The following PRKAG2 variants were observed in gnomAD, a reference collection of about 807,000 sequenced individuals.
PRKAG2 encodes 5'-AMP-activated protein kinase subunit gamma-2.
A neutral mutation model predicts 69.6 loss-of-function variants in PRKAG2; 26 were observed. The observed-to-expected ratio is 0.37, with a 90% CI of 0.27 to 0.52. The LOEUF is 0.52. Ranked by LOEUF, PRKAG2 falls within the 20% of genes least tolerant of loss-of-function variation. PRKAG2 has a pLI of 0.90. For synonymous variants in PRKAG2, 293 were observed against 285.0 expected, an observed-to-expected ratio of 1.03 and a Z score of -0.28; for missense variants, 557 against 740.0, an observed-to-expected ratio of 0.75 and a Z score of 2.87.
intron 3 of PRKAG2, among the ~76,000 whole-genome samples, chr7:151,677,054 G>A (rs528768581): frequency 5.3e-5 from 8 of 152,306 alleles, no homozygotes; most frequent in South Asian, 2.1e-4. Context: ...TTCAGGACAG[G>A]GCTAAATTTT....
chr7:151,565,979 ATTAAAG>A (rs1299216974), intron 11 of PRKAG2, 94 bp from the exon 12 acceptor site: 13 of 1,434,974 alleles, frequency 9.1e-6, no homozygotes, highest in East Asian at 6.8e-5. Context: ...TGTCCAACAA[ATTAAAG>A]TTAGTTTTTT....
intron 5 of PRKAG2, among the ~76,000 whole-genome samples, chr7:151,599,547 A>AT (rs1254687727): frequency 1.3e-5 from 2 of 152,048 alleles, no homozygotes; most frequent in Non-Finnish European, 2.9e-5. Context: ...GTGGAAGACA[A>AT]TTTTTCCACT....
chr7:151,586,322 A>C (rs954581587), intron 6 of PRKAG2, among the ~76,000 whole-genome samples: 18 of 143,756 alleles, frequency 1.3e-4, no homozygotes, highest in African/African-American at 3.9e-4. Context: ...AGGCAGGTGA[A>C]TCTCCTGTAA....
intron 3 of PRKAG2, among the ~76,000 whole-genome samples, chr7:151,701,614 C>T (rs1053850764): frequency 3.9e-5 from 6 of 152,000 alleles, no homozygotes; most frequent in South Asian, 2.1e-4. Context: ...GAGGCCGAGA[C>T]GGGCAGATCG....
chr7:151,774,508 A>AT (rs1340965787), intron 3 of PRKAG2, among the ~76,000 whole-genome samples: 12 of 152,280 alleles, frequency 7.9e-5, no homozygotes, highest in South Asian at 6.2e-4. Flanking sequence ...CCTTAATAAT[A>AT]TAAAACAGTG....
intron 6 of PRKAG2, among the ~76,000 whole-genome samples, chr7:151,589,928 C>T (rs1812645641): frequency 6.6e-6 from 1 of 151,948 alleles, no homozygotes; most frequent in Admixed American, 6.6e-5. Context: ...GAATGAGACC[C>T]TGTCTTTAAA....
Position 151,632,360 on chromosome 7 carries a change from C to A in PRKAG2, c.685-222G>T. 3.9e-6 allele frequency: 2 copies of A among 515,280 alleles called. No homozygotes were observed. The highest frequency in any genetic ancestry group is 5.0e-6 in the Non-Finnish European group (2 of 402,772). The allele number at this position is 515,280 out of a possible 1,614,324, so 31.9% of individuals were successfully genotyped here. On this transcript the variant is annotated intron_variant, in intron 4 of 15. Transcript: ENST00000287878. This position sits in a 1 kb window ranked among gnomAD's most constrained non-coding sequence, Gnocchi z 4.2. ...CCGCAGGTGGCGCGGCCGCGGCCCG[C>A]GTGCCCCTCCGCGAGTGGGACGCGC...
rs75074902 is a variant in PRKAG2, at chr7:151,807,609, C to T, written c.115-21068G>A. ...GGAGGTAGGAAGAATGATTCGTTTG[C>T]CACCAAAAGCCCAGTTTCTCCAACA... is the stretch of plus-strand genomic sequence containing the variant. On this transcript the variant is annotated intron_variant, in intron 1 of 15. Coordinates refer to ENST00000287878, the MANE Select transcript of PRKAG2 (RefSeq NM_016203.4). This position sits in a 1 kb window ranked among gnomAD's most constrained non-coding sequence, Gnocchi z 4.4. The T allele has an allele frequency of 0.048, 22,076 of 457,750 alleles. 808 individuals carry two copies. Among genetic ancestry groups the T allele is most frequent in the South Asian group, 0.11 (6,855 of 64,566 alleles). 28.4% of individuals were successfully genotyped at this position (457,750 alleles called of 1,614,324 possible). A position where few individuals can be genotyped will look rare whatever the true frequency, so the allele number is the denominator to read the frequency against.
chr7:151,853,201 C>T (rs1231074142), intron 1 of PRKAG2, among the ~76,000 whole-genome samples: 1 of 152,144 alleles, frequency 6.6e-6, no homozygotes, highest in Non-Finnish European at 1.5e-5. Context: ...CGTGAGTGTG[C>T]TGTCCCATAG....
chr7:151,580,403 T>C (rs1810096222), intron 6 of PRKAG2, among the ~76,000 whole-genome samples: 1 of 152,144 alleles, frequency 6.6e-6, no homozygotes, highest in African/African-American at 2.4e-5. Context: ...ATTCTAGACC[T>C]GCACAGAACC....
At chr7:151,685,315 C>A (rs984884525) in intron 3 of PRKAG2, among the ~76,000 whole-genome samples, 1 of 152,192 alleles carries the variant, frequency 6.6e-6, no homozygotes, top group Non-Finnish European at 1.5e-5. Flanking sequence ...CCCACCAACA[C>A]CCCTATCCCA....
chr7:151,571,562 T>G (rs1807581651), intron 9 of PRKAG2, among the ~76,000 whole-genome samples: 1 of 152,186 alleles, frequency 6.6e-6, no homozygotes, highest in African/African-American at 2.4e-5. Flanking sequence ...TTGGCATTAT[T>G]ATTACTACAA....
At chr7:151,673,046 A>G (rs916436465) in intron 4 of PRKAG2, among the ~76,000 whole-genome samples, 2 of 151,960 alleles carry the variant, frequency 1.3e-5, no homozygotes, top group African/African-American at 2.4e-5. Flanking sequence ...TTCCTGTTAC[A>G]CTCGCGGGGA....
intron 5 of PRKAG2, among the ~76,000 whole-genome samples, chr7:151,630,250 C>T (rs1271698935): frequency 6.6e-6 from 1 of 152,128 alleles, no homozygotes; most frequent in East Asian, 1.9e-4. Context: ...GAGTGTATAT[C>T]TGCTTAGAGA....
At chr7:151,691,197 CT>C (rs1159014939) in intron 3 of PRKAG2, among the ~76,000 whole-genome samples, 3 of 152,094 alleles carry the variant, frequency 2.0e-5, no homozygotes, top group Non-Finnish European at 2.9e-5. Flanking sequence ...CTCCTGTATA[CT>C]TTAAATTATC....
At chr7:151,736,338 T>A (rs1399266396) in intron 3 of PRKAG2, 1 of 1,109,238 alleles carries the variant, frequency 9.0e-7, no homozygotes, top group Non-Finnish European at 1.1e-6. Flanking sequence ...CGCAGGGGAT[T>A]TGTTGATGTA....
At position 151,835,090 on chromosome 7, in the gene PRKAG2, T is replaced by C. The variant is rs899067963; in HGVS notation, c.114+41417A>G. 6.6e-6 allele frequency among the ~76,000 whole-genome samples: 1 copy of C among 152,110 alleles called. No individual in the cohort carries two copies. The highest frequency in any genetic ancestry group is 2.4e-5 in the African/African-American group (1 of 41,418). Reference sequence around the variant, plus strand: ...TGCTCCAATGTGGCCTCATCAAAACTCATCACATCGGAAACGACCCTGTTT... The same window carrying C: ...TGCTCCAATGTGGCCTCATCAAAACCCATCACATCGGAAACGACCCTGTTT... On this transcript the variant is annotated intron_variant, in intron 1 of 15. Coordinates refer to ENST00000287878, the MANE Select transcript of PRKAG2 (RefSeq NM_016203.4). The surrounding 1 kb of genome is among the most constrained non-coding windows in gnomAD (Gnocchi z 4.1).
chr7:151,837,742 T>C (rs1177788218), intron 1 of PRKAG2, among the ~76,000 whole-genome samples: 1 of 152,110 alleles, frequency 6.6e-6, no homozygotes, highest in Non-Finnish European at 1.5e-5. Context: ...GATCTATTAA[T>C]CACTGTTTCT....
In PRKAG2 at chr7:151,637,247, T is replaced by A. The variant is rs192029847; in HGVS notation, c.685-5109A>T. On this transcript the variant is annotated intron_variant, in intron 4 of 15. Transcript: ENST00000287878. ...AGTTTAATTTTTAAAAAAAGTTTTT[T>A]AAAAAAACTTGGAGTGAGCCAAGGT... Among the ~76,000 whole-genome samples, 561 of 152,326 alleles carry A rather than the reference T, an allele frequency of 3.7e-3. 5 individuals carry two copies. The highest frequency in any genetic ancestry group is 0.01 in the Middle Eastern group (3 of 294).
Sources: gnomAD v4.1 joint callset for allele counts (sites outside exome capture counted in the v4.1 genomes callset) on GRCh38, gnomAD v4.1.1 for gene constraint, Gnocchi (gnomAD v3.1) non-coding constraint, MANE v1.5 for transcripts, NCBI Gene and HGNC (gene_info 2026-07-23, HGNC 2026-07-21) for gene names.